WWOX: variants seen among roughly 807,000 people sequenced by gnomAD.
WWOX encodes WW domain containing oxidoreductase, also known as WW domain-containing oxidoreductase.
Under a neutral mutation model 46.2 loss-of-function variants are expected in WWOX, and 69 were observed. The ratio of observed to expected loss-of-function variants is 1.49; its 90% confidence interval spans 1.23 to 1.82. The LOEUF (loss-of-function observed/expected upper bound fraction) is 1.82. WWOX is among the 40% of genes most tolerant of loss of function. The pLI is 0.00. For missense variants in WWOX, 919 were observed against 542.6 expected, an observed-to-expected ratio of 1.69 and a Z score of -6.89; for synonymous variants, 359 against 202.6, an observed-to-expected ratio of 1.77 and a Z score of -6.56.
At chr16:78,384,897 A>G (rs2082028371) in intron 5 of WWOX, among the ~76,000 whole-genome samples, 1 of 151,998 alleles carries the variant, frequency 6.6e-6, no homozygotes, top group Admixed American at 6.5e-5. Flanking sequence ...GCACTTTCGG[A>G]GGCCGGGGTG....
At chr16:78,611,106 G>C (rs750268330) in intron 8 of WWOX, among the ~76,000 whole-genome samples, 1 of 152,152 alleles carries the variant, frequency 6.6e-6, no homozygotes, top group Non-Finnish European at 1.5e-5. Flanking sequence ...GGTCACCAAA[G>C]CATAATGACA....
intron 8 of WWOX, among the ~76,000 whole-genome samples, chr16:78,968,420 G>A (rs1203987075): frequency 6.6e-6 from 1 of 152,226 alleles, no homozygotes; most frequent in African/African-American, 2.4e-5. Context: ...GGTCCTGGTG[G>A]TAGCCAAACT....
chr16:78,233,524 A>ATTTT (rs36007148), intron 5 of WWOX, among the ~76,000 whole-genome samples: 8 of 126,012 alleles, frequency 6.3e-5, no homozygotes, highest in Non-Finnish European at 1.1e-4. Context: ...TGATGATTAA[A>ATTTT]TTTTTTTTTT....
At chr16:78,697,824 G>T (rs569722402) in intron 8 of WWOX, among the ~76,000 whole-genome samples, 9 of 152,138 alleles carry the variant, frequency 5.9e-5, no homozygotes, top group Non-Finnish European at 1.3e-4. Flanking sequence ...AGGAGCATCT[G>T]TATCTGTTTT....
intron 8 of WWOX, among the ~76,000 whole-genome samples, chr16:78,788,998 T>C (rs2050525586): frequency 6.6e-6 from 1 of 152,242 alleles, no homozygotes; most frequent in Admixed American, 6.5e-5. Context: ...GCAAACATTT[T>C]CTCTCATTCT....
At chr16:78,554,645 C>G (rs1476589452) in intron 8 of WWOX, among the ~76,000 whole-genome samples, 3 of 152,182 alleles carry the variant, frequency 2.0e-5, no homozygotes, top group African/African-American at 4.8e-5. Context: ...GAAAAAATCC[C>G]CAGGACAGTC....
chr16:79,132,127 AACACACACACAC>A (rs141785224), intron 8 of WWOX, among the ~76,000 whole-genome samples: 28,648 of 141,536 alleles, frequency 0.2, 2,848 homozygotes, highest in East Asian at 0.34. Flanking sequence ...CACTTGCAGA[AACACACACACAC>A]ACACACACAC....
At chr16:78,240,810 T>C (rs571477542) in intron 5 of WWOX, among the ~76,000 whole-genome samples, 18 of 152,316 alleles carry the variant, frequency 1.2e-4, no homozygotes, top group African/African-American at 3.8e-4. Flanking sequence ...TATAAGACAG[T>C]GCCCTTTAGA....
chr16:78,167,322 A>G (rs2035006046), intron 5 of WWOX: 1 of 152,134 alleles, frequency 6.6e-6, no homozygotes, highest in Non-Finnish European at 1.5e-5. Context: ...TGGATGGATG[A>G]TGTCAAAGAC....
rs1567635675 is a variant in WWOX, at chr16:78,547,138, A to AC, written c.1056+114386_1056+114387insC. ...GAGACCTTGTCTCAGAAAAAAAAAA[A>AC]AAAAAAAAAAAAAAAAAAAAACAAC... On this transcript the variant is annotated intron_variant, in intron 8 of 8. Coordinates refer to ENST00000566780, the MANE Select transcript of WWOX (RefSeq NM_016373.4). Among the ~76,000 whole-genome samples, 19 of 42,930 alleles carry AC rather than the reference A, an allele frequency of 4.4e-4. 1 individual carries two copies. The East Asian group carries it at 1.0e-2, about 22-fold the overall frequency. The allele number at this position is 42,930 out of a possible 152,430, so 28.2% of individuals were successfully genotyped here.
intron 5 of WWOX, among the ~76,000 whole-genome samples, chr16:78,359,063 G>A (rs925599842): frequency 6.6e-6 from 1 of 152,044 alleles, no homozygotes; most frequent in Non-Finnish European, 1.5e-5. Context: ...GGCTAAATAA[G>A]AAGTTTAAAT....
intron 5 of WWOX, among the ~76,000 whole-genome samples, chr16:78,285,316 G>C (rs1043569102): frequency 1.3e-5 from 2 of 152,108 alleles, no homozygotes; most frequent in African/African-American, 4.8e-5. Flanking sequence ...GCACCCACCT[G>C]TAGTCCTTTG....
intron 8 of WWOX, among the ~76,000 whole-genome samples, chr16:78,968,411 G>A (rs1334643866): frequency 6.6e-6 from 1 of 152,242 alleles, no homozygotes. Context: ...CAGAGACCAG[G>A]TCCTGGTGGT....
chr16:78,877,287 C>G (rs563384648), intron 8 of WWOX, among the ~76,000 whole-genome samples: 7 of 144,158 alleles, frequency 4.9e-5, no homozygotes, highest in African/African-American at 1.8e-4. Context: ...CTCCCCCCCT[C>G]TGACCCGCCT....
chr16:79,117,761 G>T (rs1302735357), intron 8 of WWOX, among the ~76,000 whole-genome samples: 4 of 152,186 alleles, frequency 2.6e-5, no homozygotes, highest in Admixed American at 2.6e-4. Context: ...TATGGAGACG[G>T]CTTTCTTCCT....
At chr16:78,156,504 T>C (rs943064730) in intron 4 of WWOX, among the ~76,000 whole-genome samples, 1 of 152,212 alleles carries the variant, frequency 6.6e-6, no homozygotes, top group Admixed American at 6.5e-5. Flanking sequence ...CTGCAGCCTA[T>C]TAGCAGTCTG....
intron 5 of WWOX, among the ~76,000 whole-genome samples, chr16:78,227,873 C>G (rs2037118225): frequency 6.6e-6 from 1 of 152,022 alleles, no homozygotes; most frequent in South Asian, 2.1e-4. Flanking sequence ...GAAACTCTGT[C>G]TCAAAAAACA....
intron 6 of WWOX, among the ~76,000 whole-genome samples, chr16:78,394,705 A>G (rs1039244520): frequency 2.0e-5 from 3 of 152,218 alleles, no homozygotes; most frequent in Non-Finnish European, 4.4e-5. Flanking sequence ...TTGCCGTGGT[A>G]GCCTGAAAGC....
chr16:78,352,139 A>G (rs931802436), intron 5 of WWOX, among the ~76,000 whole-genome samples: 6 of 152,188 alleles, frequency 3.9e-5, no homozygotes, highest in Non-Finnish European at 5.9e-5. Flanking sequence ...CGATTGTGAA[A>G]ATGTGAGCAT....
Sources: gnomAD v4.1 joint callset for allele counts (sites outside exome capture counted in the v4.1 genomes callset) on GRCh38, gnomAD v4.1.1 for gene constraint, MANE v1.5 for transcripts, NCBI Gene and HGNC (gene_info 2026-07-23, HGNC 2026-07-21) for gene names.